Variants in DOK5 observed in about 807,000 individuals in gnomAD.
DOK5 encodes the protein docking protein 5.
A neutral mutation model predicts 43.3 loss-of-function variants in DOK5; 27 were observed. The ratio of observed to expected loss-of-function variants is 0.62; its 90% CI spans 0.46 to 0.86. The LOEUF (loss-of-function observed/expected upper bound fraction) is 0.86, where lower values mean the gene tolerates loss of function less well. Ranked by LOEUF, DOK5 falls within the 40% of genes least tolerant of loss-of-function variation. The pLI is 0.00. For missense variants in DOK5, 373 were observed against 392.9 expected, an observed-to-expected ratio of 0.95 and a Z score of 0.43; for synonymous variants, 146 against 140.1, an observed-to-expected ratio of 1.04 and a Z score of -0.30.
intron 2 of DOK5, chr20:54,555,534 A>G (rs1351654085): frequency 6.4e-6 from 1 of 155,164 alleles, no homozygotes; most frequent in African/African-American, 2.4e-5. Context: ...CAATAAAAAT[A>G]GTCATTGTGT....
intron 6 of DOK5, among the ~76,000 whole-genome samples, chr20:54,632,742 T>G (rs953323805): frequency 1.3e-5 from 2 of 152,214 alleles, no homozygotes; most frequent in Non-Finnish European, 2.9e-5. Context: ...GCATGGTTCC[T>G]AAATCATTAA....
At chr20:54,609,034 G>A (rs895076143) in intron 5 of DOK5, among the ~76,000 whole-genome samples, 1 of 152,164 alleles carries the variant, frequency 6.6e-6, no homozygotes, top group Admixed American at 6.5e-5. Flanking sequence ...TAATTCAAAT[G>A]TAATGGGTTT....
intron 2 of DOK5, among the ~76,000 whole-genome samples, chr20:54,572,286 G>A (rs1038057951): frequency 7.3e-5 from 11 of 151,682 alleles, no homozygotes; most frequent in South Asian, 6.3e-4. Context: ...TCAGCCTCCC[G>A]TGTAGCTGGG....
chr20:54,510,250 C>G (rs532420431), intron 1 of DOK5, among the ~76,000 whole-genome samples: 1 of 152,296 alleles, frequency 6.6e-6, no homozygotes, highest in South Asian at 2.1e-4. Context: ...GTTAAGCAAA[C>G]TCACCCTAGA....
intron 2 of DOK5, among the ~76,000 whole-genome samples, chr20:54,567,886 C>T (rs560990892): frequency 6.6e-6 from 1 of 152,132 alleles, no homozygotes; most frequent in Admixed American, 6.5e-5. Flanking sequence ...GCCTTCAAAT[C>T]CTATGTGTTT....
chr20:54,487,735 G>A (rs76519118), intron 1 of DOK5, among the ~76,000 whole-genome samples: 3,812 of 152,146 alleles, frequency 0.025, 158 homozygotes, highest in African/African-American at 0.083. Flanking sequence ...CCTCTTACAA[G>A]ACTTTCCTCT....
chr20:54,515,720 A>AT (rs1371168426), intron 1 of DOK5, among the ~76,000 whole-genome samples: 1 of 152,182 alleles, frequency 6.6e-6, no homozygotes, highest in Admixed American at 6.5e-5. Flanking sequence ...GAAGAAAATC[A>AT]TTTTTTTGTA....
At chr20:54,557,350 A>G (rs1281337317) in intron 2 of DOK5, among the ~76,000 whole-genome samples, 1 of 152,134 alleles carries the variant, frequency 6.6e-6, no homozygotes, top group East Asian at 1.9e-4. Context: ...TCTCATAAGG[A>G]GCAGGCAACC....
intron 2 of DOK5, among the ~76,000 whole-genome samples, chr20:54,580,495 T>A (rs930790784): frequency 6.6e-6 from 1 of 152,150 alleles, no homozygotes. Context: ...TGTCTCCACA[T>A]CCTTGCTAAC....
intron 6 of DOK5, among the ~76,000 whole-genome samples, chr20:54,621,070 A>C (rs938654599): frequency 6.6e-6 from 1 of 152,206 alleles, no homozygotes; most frequent in Non-Finnish European, 1.5e-5. Flanking sequence ...ACGTGTGTAA[A>C]GGAAATGAAT....
chr20:54,585,594 G>A (rs1156531013), intron 2 of DOK5, among the ~76,000 whole-genome samples: 1 of 152,164 alleles, frequency 6.6e-6, no homozygotes, highest in East Asian at 1.9e-4. Context: ...GTCTTAAAAT[G>A]AGAGGTGGCT....
chr20:54,598,819 G>C (rs1986221213), intron 5 of DOK5, among the ~76,000 whole-genome samples: 1 of 152,096 alleles, frequency 6.6e-6, no homozygotes, highest in Non-Finnish European at 1.5e-5. Flanking sequence ...AGCGGTTTTT[G>C]AAAAAGATTT....
chr20:54,514,632 G>C (rs1365234291), intron 1 of DOK5, among the ~76,000 whole-genome samples: 1 of 145,882 alleles, frequency 6.9e-6, no homozygotes, highest in Non-Finnish European at 1.5e-5. Context: ...AATCAGGGGA[G>C]AGCAATTGGA....
In DOK5 at chr20:54,531,852, A is replaced by G. The variant is rs373145254; in HGVS notation, c.67-23081A>G. Reference sequence around the variant, plus strand: ...CCAATTACTATAATTTGAGCAGTGCATAAAGCAGGCTCTGCCCCTCATAGA... The same window carrying G: ...CCAATTACTATAATTTGAGCAGTGCGTAAAGCAGGCTCTGCCCCTCATAGA... On this transcript the variant is annotated intron_variant, in intron 1 of 7. Coordinates refer to ENST00000262593, the MANE Select transcript of DOK5 (RefSeq NM_018431.5). 3.9e-5 allele frequency among the ~76,000 whole-genome samples: 6 copies of G among 152,372 alleles called. No individual in the cohort carries two copies. In the East Asian group the frequency reaches 7.7e-4, roughly 20 times the overall value.
intron 1 of DOK5, among the ~76,000 whole-genome samples, chr20:54,534,166 A>G (rs1189619133): frequency 6.6e-6 from 1 of 152,128 alleles, no homozygotes; most frequent in Non-Finnish European, 1.5e-5. Context: ...CTTAGGAGAG[A>G]GATGAAATTG....
intron 1 of DOK5, among the ~76,000 whole-genome samples, chr20:54,480,479 G>A (rs920873705): frequency 6.6e-6 from 1 of 152,176 alleles, no homozygotes; most frequent in Non-Finnish European, 1.5e-5. Context: ...AAAAGGGGAG[G>A]CATGAATAAT....
chr20:54,535,918 T>C (rs1286833991), intron 1 of DOK5, among the ~76,000 whole-genome samples: 2 of 152,262 alleles, frequency 1.3e-5, no homozygotes, highest in African/African-American at 4.8e-5. Context: ...AGGCCTATTC[T>C]GAGGCTTTTG....
At chr20:54,590,845 T>C (rs567934911) in intron 4 of DOK5, among the ~76,000 whole-genome samples, 126 of 152,330 alleles carry the variant, frequency 8.3e-4, no homozygotes, top group Non-Finnish European at 1.6e-3. Flanking sequence ...CATTTTTCAC[T>C]GAAAGACTTT....
chr20:54,606,553 G>C (rs1986475596), intron 5 of DOK5, among the ~76,000 whole-genome samples: 1 of 152,338 alleles, frequency 6.6e-6, no homozygotes, highest in Admixed American at 6.5e-5. Flanking sequence ...CCATTAGCCT[G>C]TTTGATGTGC....
Sources: allele counts gnomAD v4.1 joint callset (sites outside exome capture counted in the v4.1 genomes callset), GRCh38; gene constraint gnomAD v4.1.1; transcripts MANE v1.5; gene names NCBI Gene and HGNC (gene_info 2026-07-23, HGNC 2026-07-21).